The following TAMM41 variants were observed in gnomAD, a reference collection of about 807,000 sequenced individuals.
TAMM41 encodes the protein phosphatidate cytidylyltransferase, mitochondrial.
In TAMM41, 36 loss-of-function variants were observed where a neutral mutation model predicts 44.1. The observed-to-expected ratio is 0.82, with a 90% CI of 0.63 to 1.08. TAMM41 has a LOEUF of 1.08. TAMM41 is among the 50% of genes least tolerant of loss of function. The probability of loss-of-function intolerance (pLI) is 0.00; values close to 1 mark genes in which losing one functional copy is unlikely to be tolerated. For missense variants in TAMM41, 417 were observed against 404.3 expected (o/e 1.03, Z -0.27); for synonymous variants, 164 against 153.1 (o/e 1.07, Z -0.53).
the TAMM41 span, among the ~76,000 whole-genome samples, chr3:11,740,947 G>A: frequency 2.0e-5 from 3 of 146,892 alleles, no homozygotes; most frequent in African/African-American, 2.7e-5. Flanking sequence ...CAGGCCGGGC[G>A]TGGTGGCTCA....
chr3:11,809,539 G>T lies in TAMM41; in HGVS notation c.852C>A (p.Asp284Glu), dbSNP rs1470422414. The T allele has an allele frequency of 2.5e-6, 4 of 1,613,932 alleles. No homozygotes were observed. The African/African-American group carries it at 5.3e-5, about 22-fold the overall frequency. The change falls in exon 6 of 8, where the codon GAC becomes GAA. Residue 284 changes from aspartate to glutamate, a missense_variant. Coordinates refer to ENST00000455809, the MANE Select transcript of TAMM41 (RefSeq NM_001284401.2). ...ETLFQVAHDP[D>E]CGDVVRLGLS... ...TACCTAGTCGCACCACATCTCCACA[G>T]TCGGGATCATGAGCCACTTGGAATA...
chr3:11,823,686 A>T (rs1173945823), intron 4 of TAMM41, among the ~76,000 whole-genome samples: 2 of 132,702 alleles, frequency 1.5e-5, no homozygotes, highest in Non-Finnish European at 1.6e-5. Flanking sequence ...TTTTAGACAG[A>T]GTCTCACTCT....
chr3:11,753,049 A>G, the TAMM41 span, among the ~76,000 whole-genome samples: 2 of 152,122 alleles, frequency 1.3e-5, no homozygotes, highest in African/African-American at 4.8e-5. Context: ...AACTATCAGG[A>G]TGAAGCTGAT....
the TAMM41 span, among the ~76,000 whole-genome samples, chr3:11,760,509 T>G: frequency 9.4e-4 from 143 of 152,334 alleles, no homozygotes; most frequent in African/African-American, 3.4e-3. Flanking sequence ...ATGCTATTCC[T>G]TCTTCTATTC....
At chr3:11,831,244 T>C (rs994224759) in intron 3 of TAMM41, among the ~76,000 whole-genome samples, 1 of 152,186 alleles carries the variant, frequency 6.6e-6, no homozygotes, top group Non-Finnish European at 1.5e-5. Flanking sequence ...CAGAGTTCTG[T>C]TTCAGGAGGC....
chr3:11,745,433 G>A, the TAMM41 span, among the ~76,000 whole-genome samples: 324 of 152,294 alleles, frequency 2.1e-3, 4 homozygotes, highest in African/African-American at 4.5e-3. Flanking sequence ...AAGCAAATGC[G>A]CATTGATAAA....
At chr3:11,772,022 C>A in the TAMM41 span, among the ~76,000 whole-genome samples, 6 of 152,010 alleles carry the variant, frequency 3.9e-5, no homozygotes, top group African/African-American at 1.5e-4. Context: ...ATTTTCCAAC[C>A]CTCACCCCCT....
At chr3:11,814,501 CGA>C (rs143168450) in intron 5 of TAMM41, among the ~76,000 whole-genome samples, 124 of 144,948 alleles carry the variant, frequency 8.6e-4, no homozygotes, top group Admixed American at 1.0e-3. Flanking sequence ...AACGAAGAGA[CGA>C]GAGAGAGAGA....
At chr3:11,823,826 C>A (rs1237644896) in intron 4 of TAMM41, among the ~76,000 whole-genome samples, 1 of 92,660 alleles carries the variant, frequency 1.1e-5, no homozygotes, top group East Asian at 3.5e-4. Context: ...CCACCATGCC[C>A]GGCTTTTTTT....
chr3:11,817,453 G>A (rs2124986748), intron 4 of TAMM41, 116 bp from the exon 5 acceptor site: 1 of 1,076,944 alleles, frequency 9.3e-7, no homozygotes. Context: ...TCCCTCATCA[G>A]AACACTTGCT....
At chr3:11,760,044 A>C in the TAMM41 span, among the ~76,000 whole-genome samples, 28 of 152,354 alleles carry the variant, frequency 1.8e-4, no homozygotes, top group South Asian at 1.2e-3. Context: ...CAAAGTGGAC[A>C]GACCTAATAA....
In TAMM41 at chr3:11,846,836, C is replaced by G; in HGVS notation, c.-200G>C. 2 of 656,832 alleles carry G rather than the reference C, an allele frequency of 3.0e-6. No homozygotes were observed. The highest frequency in any genetic ancestry group is 5.1e-6 in the Non-Finnish European group (2 of 391,330). 40.7% of individuals were successfully genotyped at this position (656,832 alleles called of 1,614,324 possible). ...CACGAAGAGCAGCGGCGAGAAGACGCAGCCCAGATAGGCTCGGGTGGGCGG... is the reference window on the plus strand; with the variant it reads ...CACGAAGAGCAGCGGCGAGAAGACGGAGCCCAGATAGGCTCGGGTGGGCGG... On this transcript the variant is annotated 5_prime_UTR_variant, in exon 1 of 8. Coordinates refer to ENST00000455809, the MANE Select transcript of TAMM41 (RefSeq NM_001284401.2).
the TAMM41 span, among the ~76,000 whole-genome samples, chr3:11,760,841 G>A: frequency 1.3e-4 from 19 of 151,712 alleles, no homozygotes; most frequent in African/African-American, 4.3e-4. Flanking sequence ...GATTACAGGT[G>A]TGAACCACCA....
At chr3:11,832,288 A>C (rs541611111) in intron 3 of TAMM41, among the ~76,000 whole-genome samples, 10 of 152,226 alleles carry the variant, frequency 6.6e-5, no homozygotes, top group African/African-American at 7.2e-5. Flanking sequence ...AAAAACAAAA[A>C]AAAAAAATCC....
chr3:11,727,675 A>G, the TAMM41 span, among the ~76,000 whole-genome samples: 1 of 152,066 alleles, frequency 6.6e-6, no homozygotes, highest in African/African-American at 2.4e-5. Flanking sequence ...CACGTTGCCC[A>G]GGCTGGTCTC....
chr3:11,807,925 A>G, intron 6 of TAMM41, 30 bp from the exon 7 acceptor site: 2 of 1,492,858 alleles, frequency 1.3e-6, no homozygotes, highest in Non-Finnish European at 1.8e-6. Context: ...AAGGAGACCA[A>G]AAAAACCCAA....
the TAMM41 span, among the ~76,000 whole-genome samples, chr3:11,741,795 A>G: frequency 6.7e-6 from 1 of 149,758 alleles, no homozygotes; most frequent in African/African-American, 2.5e-5. Context: ...CAGCGTCGCT[A>G]CTCTGGTGCT....
At chr3:11,811,043 C>T (rs1025251789) in intron 5 of TAMM41, 3 of 152,066 alleles carry the variant, frequency 2.0e-5, no homozygotes, top group Admixed American at 1.3e-4. Flanking sequence ...CACTGCACTA[C>T]AGCCTGGGTG....
At chr3:11,837,461 T>C (rs1159818482) in intron 3 of TAMM41, among the ~76,000 whole-genome samples, 6 of 151,604 alleles carry the variant, frequency 4.0e-5, no homozygotes, top group Admixed American at 3.9e-4. Flanking sequence ...AAAGTTTAAG[T>C]TCTCTCCCAC....
Sources: gnomAD v4.1 joint callset for allele counts (sites outside exome capture counted in the v4.1 genomes callset) on GRCh38, gnomAD v4.1.1 for gene constraint, MANE v1.5 for transcripts, NCBI Gene and HGNC (gene_info 2026-07-23, HGNC 2026-07-21) for gene names.